The following NUMBL variants were observed in gnomAD, a reference collection of about 807,000 sequenced individuals.
The protein encoded by NUMBL is NUMB like endocytic adaptor protein.
A neutral mutation model predicts 48.9 loss-of-function variants in NUMBL; 20 were observed. That is an observed-to-expected ratio of 0.41 (90% CI 0.29 to 0.59). The LOEUF (loss-of-function observed/expected upper bound fraction) is 0.59, where lower values mean the gene tolerates loss of function less well. Ranked by LOEUF, NUMBL falls within the 20% of genes least tolerant of loss-of-function variation. The pLI is 0.31. For synonymous variants in NUMBL, 340 were observed against 348.7 expected (o/e 0.98, Z 0.28); for missense variants, 660 against 846.2 (o/e 0.78, Z 2.73).
intron 2 of NUMBL, 132 bp from the exon 3 acceptor site, chr19:40,684,688 T>G: frequency 7.9e-7 from 1 of 1,266,172 alleles, no homozygotes. Flanking sequence ...ACAGGGTCAG[T>G]TGGCAGCGCA....
chr19:40,681,179 G>T (rs1424597000), intron 5 of NUMBL, 122 bp from the exon 6 acceptor site: 3 of 1,044,970 alleles, frequency 2.9e-6, no homozygotes, highest in African/African-American at 3.1e-5. Flanking sequence ...CAGTCACTGA[G>T]ACACCCTGTG....
intron 5 of NUMBL, 31 bp from the exon 6 acceptor site, chr19:40,681,088 G>A: frequency 2.5e-6 from 4 of 1,611,534 alleles, no homozygotes; most frequent in Non-Finnish European, 3.4e-6. Context: ...CAGGAGAAGA[G>A]TGTGAACTCT....
chr19:40,666,024 A>G lies in NUMBL; in HGVS notation c.*1444T>C, dbSNP rs1167916481. 1 of 152,214 alleles carries G rather than the reference A, an allele frequency of 6.6e-6. No homozygotes were observed. The highest frequency in any genetic ancestry group is 1.5e-5 in the Non-Finnish European group (1 of 68,048). 9.4% of individuals were successfully genotyped at this position (152,214 alleles called of 1,614,324 possible). A position where few individuals can be genotyped will look rare whatever the true frequency, so the allele number is the denominator to read the frequency against. ...GTAAAACGTTGCCACATCAGGTGAC[A>G]CTTTGGCCAGAGTTATGGAAAATGC... On this transcript the variant is annotated 3_prime_UTR_variant, in exon 10 of 10. Transcript: ENST00000252891.
intron 3 of NUMBL, 163 bp from the exon 4 acceptor site, chr19:40,683,131 C>T: frequency 1.5e-6 from 1 of 683,860 alleles, no homozygotes; most frequent in Non-Finnish European, 2.6e-6. Context: ...AGACCCCATT[C>T]CTGGTCTAGA....
In NUMBL at chr19:40,668,142, G is replaced by A. The variant is rs1451501260; in HGVS notation, c.1160-4C>T. 6.3e-7 allele frequency: 1 copy of A among 1,588,740 alleles called. No individual in the cohort carries two copies. Among genetic ancestry groups the A allele is most frequent in the East Asian group, 2.3e-5 (1 of 44,330 alleles). On this transcript the variant is annotated splice_polypyrimidine_tract_variant and splice_region_variant and intron_variant, in intron 9 of 9. Coordinates refer to ENST00000252891, the MANE Select transcript of NUMBL (RefSeq NM_004756.5). Reference sequence around the variant, plus strand: ...GGCTCACCCCAGGCAGAAGTCCCTGGAGAGAGGAGAGGGACAGGTGAGGGA... The same window carrying A: ...GGCTCACCCCAGGCAGAAGTCCCTGAAGAGAGGAGAGGGACAGGTGAGGGA...
At chr19:40,684,213 C>T (rs2081921396) in intron 3 of NUMBL, 7 of 550,802 alleles carry the variant, frequency 1.3e-5, no homozygotes, top group Non-Finnish European at 1.6e-5. Context: ...GGACTACAGG[C>T]GCCCGCCACC....
At chr19:40,669,119 C>G (rs1056863858) in intron 9 of NUMBL, among the ~76,000 whole-genome samples, 10 of 152,020 alleles carry the variant, frequency 6.6e-5, no homozygotes, top group African/African-American at 2.4e-4. Context: ...TCCCGTATCT[C>G]TAAGATAATT....
chr19:40,673,346 G>A lies in NUMBL; in HGVS notation c.1034C>T (p.Thr345Ile). The A allele has an allele frequency of 6.2e-7, 1 of 1,610,174 alleles. No individual in the cohort carries two copies. Among genetic ancestry groups the A allele is most frequent in the Non-Finnish European group, 8.5e-7 (1 of 1,177,254 alleles). Residue 345 changes from threonine (T) to isoleucine (I), a missense_variant and splice_region_variant, in exon 8 of 10, where the codon ACA (threonine) becomes ATA (isoleucine). Transcript: ENST00000252891. This position sits in a 1 kb window ranked among gnomAD's most constrained non-coding sequence, Gnocchi z 5.9. ...TTCCCACTGGGCCCAGGGCTCACCT[G>A]TGCCCTTCACCTGGAAGTCAGTGCG... is the stretch of plus-strand genomic sequence containing the variant. ...QRRTDFQVKG[T>I]VPEMEPPGAG...
chr19:40,675,142 C>CAAAA lies in NUMBL; in HGVS notation c.731-1497_731-1494dup, dbSNP rs71334931. Among the ~76,000 whole-genome samples, 24 of 29,774 alleles carry CAAAA rather than the reference C, an allele frequency of 8.1e-4. 4 individuals carry two copies. The highest frequency in any genetic ancestry group is 2.3e-3 in the African/African-American group (19 of 8,262). 19.5% of individuals were successfully genotyped at this position (29,774 alleles called of 152,430 possible). On this transcript the variant is annotated intron_variant, in intron 7 of 9. Transcript: ENST00000252891. Reference sequence around the variant, plus strand: ...TGGGCAACAGAGCAAGACTCTGTCTCAAAAAAAAAAAAAAAAAAAAAAAAA... The same window carrying CAAAA: ...TGGGCAACAGAGCAAGACTCTGTCTCAAAAAAAAAAAAAAAAAAAAAAAAAAAAA...
intron 1 of NUMBL, chr19:40,689,684 G>C (rs994498877): frequency 3.3e-5 from 5 of 152,498 alleles, no homozygotes; most frequent in South Asian, 2.1e-4. Flanking sequence ...AGGTCCAGGA[G>C]GGGGAAGCGG....
At chr19:40,690,259 A>C in intron 1 of NUMBL, 3 of 371,244 alleles carry the variant, frequency 8.1e-6, no homozygotes, top group Non-Finnish European at 1.4e-5. Context: ...CCTTGGCAAG[A>C]GATGGCCCAG....
rs1370315687 is a variant in NUMBL, at chr19:40,673,520, G to A, written c.860C>T (p.Ala287Val). The A allele has an allele frequency of 8.3e-6, 13 of 1,565,338 alleles. No homozygotes were observed. The highest frequency in any genetic ancestry group is 3.8e-5 in the Admixed American group (2 of 52,394). ...AGTPVAAGTT[A>V]AAIPRRHAPL... ...TGCATGGCGCCGGGGGATGGCGGCC[G>A]CAGTGGTGCCTGCAGCCACAGGGGT... Residue 287 changes from alanine (A) to valine (V), a missense_variant, in exon 8 of 10, where the codon GCG becomes GTG. Coordinates refer to ENST00000252891, the MANE Select transcript of NUMBL (RefSeq NM_004756.5). The surrounding 1 kb of genome is among the most constrained non-coding windows in gnomAD (Gnocchi z 5.9).
In NUMBL at chr19:40,690,589, G is replaced by A. The variant is rs2081960773; in HGVS notation, c.-106C>T. The A allele has an allele frequency of 6.4e-6, 4 of 622,562 alleles. No homozygotes were observed. In the South Asian group the frequency reaches 3.1e-4, roughly 47 times the overall value. The allele number at this position is 622,562 out of a possible 1,614,324, so 38.6% of individuals were successfully genotyped here. A position where few individuals can be genotyped will look rare whatever the true frequency, so the allele number is the denominator to read the frequency against. Reference sequence around the variant, plus strand: ...GCAGCTCGGTCTGACGCCGGCCAGGGCCCGGGGCCGGGGGATGGTGCGGGA... The same window carrying A: ...GCAGCTCGGTCTGACGCCGGCCAGGACCCGGGGCCGGGGGATGGTGCGGGA... On this transcript the variant is annotated 5_prime_UTR_variant, in exon 1 of 10. Coordinates refer to ENST00000252891, the MANE Select transcript of NUMBL (RefSeq NM_004756.5).
chr19:40,672,620 C>T (rs890637580), intron 8 of NUMBL, among the ~76,000 whole-genome samples: 1 of 152,224 alleles, frequency 6.6e-6, no homozygotes, highest in African/African-American at 2.4e-5. Context: ...AAAAACATAA[C>T]ACTCTTGCTA....
chr19:40,685,445 G>A (rs2081929535), intron 2 of NUMBL: 1 of 153,862 alleles, frequency 6.5e-6, no homozygotes, highest in Non-Finnish European at 1.5e-5. Context: ...GTCTGAGAAT[G>A]GTGTAGGATA....
chr19:40,675,506 A>T (rs1030109545), intron 7 of NUMBL, among the ~76,000 whole-genome samples: 36 of 139,144 alleles, frequency 2.6e-4, no homozygotes, highest in African/African-American at 9.2e-4. Flanking sequence ...TAAAATAAAT[A>T]AATAAATTAA....
rs2081943542 is a variant in NUMBL at position 40,688,018 on chromosome 19, C to T, written c.25-1023G>A. 1.3e-5 allele frequency among the ~76,000 whole-genome samples: 2 copies of T among 152,220 alleles called. No homozygotes were observed. Among genetic ancestry groups the T allele is most frequent in the Admixed American group, 1.3e-4 (2 of 15,280 alleles). ...CAGCCACACTCATAGGGACAGTCCTCTATACACAACCACATACAGAGGTAC... is the reference window on the plus strand; with the variant it reads ...CAGCCACACTCATAGGGACAGTCCTTTATACACAACCACATACAGAGGTAC... On this transcript the variant is annotated intron_variant, in intron 1 of 9. Coordinates refer to ENST00000252891, the MANE Select transcript of NUMBL (RefSeq NM_004756.5). The surrounding 1 kb of genome is among the most constrained non-coding windows in gnomAD (Gnocchi z 4.6).
chr19:40,673,407 G>C lies in NUMBL; in HGVS notation c.973C>G (p.Leu325Val). Residue 325 changes from leucine to valine, a missense_variant, in exon 8 of 10, where the codon CTA becomes GTA. Coordinates refer to ENST00000252891, the MANE Select transcript of NUMBL (RefSeq NM_004756.5). This position sits in a 1 kb window ranked among gnomAD's most constrained non-coding sequence, Gnocchi z 5.9. The part of the protein sequence containing the change: ...KNSPFKRQLS[L>V]RLNELPSTLQ... ...GTGGATGGCAGCTCATTCAGCCGTAGGCTCAGCTGCCGTTTGAAAGGCGAG... is the reference window on the plus strand; with the variant it reads ...GTGGATGGCAGCTCATTCAGCCGTACGCTCAGCTGCCGTTTGAAAGGCGAG... The C allele has an allele frequency of 6.2e-7, 1 of 1,613,576 alleles. No individual in the cohort carries two copies. The highest frequency in any genetic ancestry group is 8.5e-7 in the Non-Finnish European group (1 of 1,179,836).
At chr19:40,674,371 C>T (rs1252782076) in intron 7 of NUMBL, among the ~76,000 whole-genome samples, 2 of 152,152 alleles carry the variant, frequency 1.3e-5, no homozygotes, top group African/African-American at 4.8e-5. Context: ...TCCAGGCTCT[C>T]AGCCTGGCTC....
Sources: gnomAD v4.1 joint callset for allele counts (sites outside exome capture counted in the v4.1 genomes callset) on GRCh38, gnomAD v4.1.1 for gene constraint, Gnocchi (gnomAD v3.1) non-coding constraint, MANE v1.5 for transcripts, NCBI Gene and HGNC (gene_info 2026-07-23, HGNC 2026-07-21) for gene names.